The following LRMDA variants were observed in gnomAD, a reference collection of about 807,000 sequenced individuals.
LRMDA encodes leucine-rich melanocyte differentiation-associated protein.
LRMDA carries 18 observed loss-of-function variants against 29.8 expected under a neutral mutation model. The observed-to-expected ratio is 0.60, with a 90% CI of 0.42 to 0.90. The LOEUF is 0.90. Among genes scored for constraint, LRMDA ranks in the 40% least tolerant of loss-of-function variants. The pLI is 0.00. For synonymous variants in LRMDA, 125 were observed against 109.4 expected, an observed-to-expected ratio of 1.14 and a Z score of -0.89; for missense variants, 273 against 273.9, an observed-to-expected ratio of 1.00 and a Z score of 0.02.
intron 5 of LRMDA, among the ~76,000 whole-genome samples, chr10:76,302,570 T>G (rs756930829): frequency 2.2e-4 from 33 of 152,180 alleles, no homozygotes; most frequent in Non-Finnish European, 4.3e-4. Flanking sequence ...TTTTGTATTG[T>G]GATTGCTGGA....
intron 2 of LRMDA, among the ~76,000 whole-genome samples, chr10:76,034,810 G>A (rs1295025746): frequency 6.6e-6 from 1 of 152,082 alleles, no homozygotes; most frequent in Non-Finnish European, 1.5e-5. Flanking sequence ...GAATAGCCCG[G>A]CATCCCCTAC....
intron 2 of LRMDA, among the ~76,000 whole-genome samples, chr10:75,691,132 ATATAGATCTATATATCTATATACATAG>A (rs1842146735): frequency 9.2e-6 from 1 of 109,056 alleles, no homozygotes; most frequent in Non-Finnish European, 1.7e-5. Flanking sequence ...ATACATAGAT[ATATAGATCTATATATCTATATACATAG>A]ATATATAGAT....
chr10:76,468,151 A>C (rs568283071), intron 6 of LRMDA, among the ~76,000 whole-genome samples: 54 of 152,312 alleles, frequency 3.5e-4, no homozygotes, highest in African/African-American at 1.2e-3. Context: ...GCCCAGTCTT[A>C]AATTACTCGC....
chr10:76,159,349 T>C (rs1238801879), intron 5 of LRMDA, among the ~76,000 whole-genome samples: 2 of 152,164 alleles, frequency 1.3e-5, no homozygotes, highest in African/African-American at 4.8e-5. Flanking sequence ...TGTGCACCTA[T>C]TAGAATAGCC....
intron 2 of LRMDA, chr10:75,601,430 C>G (rs1042981614): frequency 3.3e-5 from 5 of 152,158 alleles, no homozygotes; most frequent in African/African-American, 1.2e-4. Context: ...TCAGAACAAT[C>G]CAATTCTTGA....
At chr10:76,421,100 T>G (rs978132087) in intron 6 of LRMDA, among the ~76,000 whole-genome samples, 1 of 152,170 alleles carries the variant, frequency 6.6e-6, no homozygotes, top group Non-Finnish European at 1.5e-5. Context: ...GTTATCTGCT[T>G]CTTTTACTTA....
intron 5 of LRMDA, among the ~76,000 whole-genome samples, chr10:76,118,921 G>A (rs2132122263): frequency 7.0e-6 from 1 of 142,260 alleles, no homozygotes. Flanking sequence ...GGTCTCCCTG[G>A]TGCCCTGGTA....
intron 2 of LRMDA, among the ~76,000 whole-genome samples, chr10:75,853,759 G>A (rs191761208): frequency 9.5e-4 from 145 of 152,270 alleles, no homozygotes; most frequent in African/African-American, 3.4e-3. Context: ...GATTCCATGA[G>A]GCATTCTACA....
intron 2 of LRMDA, among the ~76,000 whole-genome samples, chr10:75,844,538 TC>T (rs948234162): frequency 9.4e-4 from 143 of 152,224 alleles, no homozygotes; most frequent in African/African-American, 3.4e-3. Context: ...CCATCTTGGC[TC>T]CCCCGTGATG....
chr10:75,637,398 AGAGAGGG>A (rs1484282707), intron 2 of LRMDA, among the ~76,000 whole-genome samples: 2 of 152,182 alleles, frequency 1.3e-5, no homozygotes, highest in African/African-American at 2.4e-5. Flanking sequence ...AGGCAGAGAC[AGAGAGGG>A]GGAGGGAGGA....
chr10:75,511,539 T>A (rs1489143382), intron 2 of LRMDA, among the ~76,000 whole-genome samples: 3 of 152,206 alleles, frequency 2.0e-5, no homozygotes, highest in Non-Finnish European at 4.4e-5. Context: ...CCCATGTGTC[T>A]CTTTGTAAAT....
chr10:76,102,605 T>G (rs1216943727), intron 5 of LRMDA, among the ~76,000 whole-genome samples: 1 of 152,222 alleles, frequency 6.6e-6, no homozygotes, highest in Non-Finnish European at 1.5e-5. Context: ...ATGGTATAAA[T>G]GTACCATATT....
At chr10:76,204,245 A>G (rs2132236628) in intron 5 of LRMDA, among the ~76,000 whole-genome samples, 1 of 138,312 alleles carries the variant, frequency 7.2e-6, no homozygotes, top group East Asian at 2.2e-4. Flanking sequence ...CCGTCCACCC[A>G]TCTCTATTCC....
At position 75,750,767 on chromosome 10, in the gene LRMDA, G is replaced by A. The variant is rs574753943; in HGVS notation, c.132-285241G>A. Among the ~76,000 whole-genome samples the A allele has an allele frequency of 4.6e-3, 700 of 151,526 alleles. 3 individuals are homozygous for A. Among genetic ancestry groups the A allele is most frequent in the Non-Finnish European group, 7.1e-3 (484 of 67,852 alleles). On this transcript the variant is annotated intron_variant, in intron 2 of 6. Coordinates refer to ENST00000611255, the MANE Select transcript of LRMDA (RefSeq NM_001305581.2). ...CACATCCCAGACGATGGGCGGCCAG[G>A]CAGAGACGCTCCTCACTTCCCAGAC...
At chr10:76,502,346 C>CT (rs1232283384) in intron 6 of LRMDA, among the ~76,000 whole-genome samples, 3 of 151,844 alleles carry the variant, frequency 2.0e-5, no homozygotes, top group Non-Finnish European at 2.9e-5. Context: ...TATTTGAGCT[C>CT]TTTTTTTGTT....
chr10:76,489,142 C>G (rs186830107), intron 6 of LRMDA, among the ~76,000 whole-genome samples: 180 of 151,948 alleles, frequency 1.2e-3, no homozygotes, highest in Non-Finnish European at 2.2e-3. Context: ...TCCATCAGGT[C>G]CCAGGCTTTT....
intron 2 of LRMDA, among the ~76,000 whole-genome samples, chr10:75,485,152 T>C (rs1844896047): frequency 6.6e-6 from 1 of 152,196 alleles, no homozygotes; most frequent in South Asian, 2.1e-4. Flanking sequence ...AAACTTTTAG[T>C]ATTTTCTGGA....
chr10:76,288,724 C>T (rs945355790), intron 5 of LRMDA, among the ~76,000 whole-genome samples: 2 of 152,078 alleles, frequency 1.3e-5, no homozygotes, highest in Non-Finnish European at 2.9e-5. Context: ...CAGATTTGCA[C>T]CTCCAACCCC....
intron 5 of LRMDA, among the ~76,000 whole-genome samples, chr10:76,315,624 G>C (rs1307972157): frequency 6.6e-6 from 1 of 151,814 alleles, no homozygotes; most frequent in Admixed American, 6.5e-5. Context: ...GCAGCCCAGG[G>C]GGTGCTGAGG....
Sources: allele counts gnomAD v4.1 joint callset (sites outside exome capture counted in the v4.1 genomes callset), GRCh38; gene constraint gnomAD v4.1.1; transcripts MANE v1.5; gene names NCBI Gene and HGNC (gene_info 2026-07-23, HGNC 2026-07-21).